Variants in WBP2NL observed in about 807,000 individuals in gnomAD.
WBP2NL encodes the protein WBP2 N-terminal like.
Under a neutral mutation model 23.3 loss-of-function variants are expected in WBP2NL, and 27 were observed. The ratio of observed to expected loss-of-function variants is 1.16; its 90% CI spans 0.85 to 1.60. The LOEUF (loss-of-function observed/expected upper bound fraction) is 1.60. Among genes scored for constraint, WBP2NL ranks in the 40% most tolerant of loss-of-function variants. The pLI, the probability that WBP2NL is intolerant of heterozygous loss-of-function variation, is 0.00. For missense variants in WBP2NL, 370 were observed against 389.5 expected, an observed-to-expected ratio of 0.95 and a Z score of 0.42; for synonymous variants, 151 against 145.9, an observed-to-expected ratio of 1.03 and a Z score of -0.25.
downstream of WBP2NL, chr22:42,032,725 A>C (rs143367905): frequency 6.4e-6 from 3 of 469,500 alleles, no homozygotes; most frequent in Non-Finnish European, 4.4e-6. Context: ...TGGGGCAGAC[A>C]ACCATGGACT....
intron 8 of WBP2NL, among the ~76,000 whole-genome samples, chr22:42,048,773 AAG>A (rs1219854662): frequency 3.3e-5 from 4 of 121,304 alleles, no homozygotes; most frequent in South Asian, 3.0e-4. Context: ...AAAAAAAGAA[AAG>A]AAAAAAAAGA....
At chr22:42,020,697 C>T (rs1310403924) in intron 4 of WBP2NL, among the ~76,000 whole-genome samples, 2 of 150,498 alleles carry the variant, frequency 1.3e-5, no homozygotes, top group African/African-American at 4.9e-5. Context: ...TTTAGTTTTT[C>T]TTCTCTCTGG....
At chr22:42,031,240 A>G (rs528407862), downstream of WBP2NL, 54 of 152,320 alleles carry the variant, frequency 3.5e-4, 1 homozygote, top group African/African-American at 1.1e-3. Context: ...GCTCAGTCCA[A>G]TTTGTTCTAT....
At chr22:42,020,659 C>G (rs1414412130) in intron 4 of WBP2NL, among the ~76,000 whole-genome samples, 3 of 150,052 alleles carry the variant, frequency 2.0e-5, no homozygotes, top group African/African-American at 7.5e-5. Flanking sequence ...TCAGGGAGCC[C>G]TTAGTTATTC....
chr22:42,044,031 G>T (rs1023323188), intron 8 of WBP2NL, among the ~76,000 whole-genome samples: 2 of 152,096 alleles, frequency 1.3e-5, no homozygotes, highest in Non-Finnish European at 2.9e-5. Context: ...CCGCCCTGCA[G>T]CTAGAGTTTT....
intron 1 of WBP2NL, among the ~76,000 whole-genome samples, chr22:42,010,569 C>T (rs765615610): frequency 1.3e-5 from 2 of 151,886 alleles, no homozygotes; most frequent in African/African-American, 4.8e-5. Context: ...GACGGAGTCT[C>T]GCTCTGTTGC....
In WBP2NL at chr22:42,049,689, CCAAAACAAAACAAAACA is replaced by C. The variant is rs1213515504; in HGVS notation, c.*274-8600_*274-8584del. Among the ~76,000 whole-genome samples the C allele has an allele frequency of 2.9e-3, 184 of 62,896 alleles. 1 individual carries two copies. Among genetic ancestry groups the C allele is most frequent in the African/African-American group, 0.014 (178 of 12,974 alleles). The allele number at this position is 62,896 out of a possible 152,430, so 41.3% of individuals were successfully genotyped here. A position where few individuals can be genotyped will look rare whatever the true frequency, so the allele number is the denominator to read the frequency against. ...TGGGTGACAGAGCGAGACTCCGTCT[CCAAAACAAAACAAAACA>C]AAAAAAAAAAAAAAAAAAAAAAAAA... is the stretch of plus-strand genomic sequence containing the variant. On this transcript the variant is annotated intron_variant and NMD_transcript_variant, in intron 8 of 8. Coordinates refer to the WBP2NL transcript ENST00000436265.
chr22:42,001,280 T>G (rs904479356), intron 1 of WBP2NL: 29 of 688,488 alleles, frequency 4.2e-5, no homozygotes, highest in Non-Finnish European at 7.5e-5. Context: ...GTTAAATGAA[T>G]AGGAAGTCAA....
At chr22:42,037,205 A>G (rs1925217289), downstream of WBP2NL, among the ~76,000 whole-genome samples, 1 of 151,332 alleles carries the variant, frequency 6.6e-6, no homozygotes, top group Non-Finnish European at 1.5e-5. Context: ...TGAACAGATT[A>G]TCCTTTCCCG....
intron 8 of WBP2NL, among the ~76,000 whole-genome samples, chr22:42,041,504 AG>A (rs1440321379): frequency 1.3e-5 from 2 of 148,438 alleles, no homozygotes; most frequent in Non-Finnish European, 3.0e-5. Context: ...AAAAAAAAAA[AG>A]TCTGTTTTGT....
chr22:42,032,765 C>T (rs988035157), downstream of WBP2NL: 6 of 470,214 alleles, frequency 1.3e-5, no homozygotes, highest in African/African-American at 1.2e-4. Flanking sequence ...TTGAAGCTTC[C>T]TAAATGGATT....
intron 1 of WBP2NL, 49 bp from the exon 2 acceptor site, chr22:42,019,262 T>C: frequency 1.3e-6 from 2 of 1,530,340 alleles, no homozygotes; most frequent in Non-Finnish European, 1.8e-6. Flanking sequence ...ATGTGTGTCA[T>C]TTTACATACA....
At chr22:42,034,051 G>A (rs1925089400), downstream of WBP2NL, among the ~76,000 whole-genome samples, 2 of 152,212 alleles carry the variant, frequency 1.3e-5, no homozygotes, top group Admixed American at 6.5e-5. Context: ...GCCAAGCCAA[G>A]CTGCCCTCAG....
chr22:42,031,432 C>T (rs1179106759), downstream of WBP2NL: 1 of 152,166 alleles, frequency 6.6e-6, no homozygotes, highest in African/African-American at 2.4e-5. Context: ...TGGTGGATTC[C>T]GCTCTTCCTG....
At chr22:42,036,560 G>C (rs1208791088), downstream of WBP2NL, among the ~76,000 whole-genome samples, 1 of 152,172 alleles carries the variant, frequency 6.6e-6, no homozygotes, top group Non-Finnish European at 1.5e-5. Flanking sequence ...CAGTGTACAA[G>C]GGTTCTCTTT....
At chr22:42,006,529 AGCCG>A (rs1369177355) in intron 1 of WBP2NL, among the ~76,000 whole-genome samples, 1 of 152,184 alleles carries the variant, frequency 6.6e-6, no homozygotes, top group Non-Finnish European at 1.5e-5. Flanking sequence ...CACCGCTCCC[AGCCG>A]GCTTTGTTTC....
chr22:42,049,705 CA>C (rs1158837575), intron 8 of WBP2NL, among the ~76,000 whole-genome samples: 1,333 of 37,372 alleles, frequency 0.036, 11 homozygotes, highest in Admixed American at 0.047. Flanking sequence ...CAAAACAAAA[CA>C]AAAAAAAAAA....
chr22:41,999,878 C>T (rs1921427327), intron 1 of WBP2NL, among the ~76,000 whole-genome samples: 1 of 152,198 alleles, frequency 6.6e-6, no homozygotes, highest in Non-Finnish European at 1.5e-5. Context: ...CTGCTGCTGG[C>T]CCCTGAGCTC....
At chr22:42,020,866 G>GTATATATA (rs1923845700) in intron 4 of WBP2NL, among the ~76,000 whole-genome samples, 1 of 15,598 alleles carries the variant, frequency 6.4e-5, no homozygotes, top group Non-Finnish European at 9.1e-5. Context: ...GTGTGTGTGT[G>GTATATATA]TGTATATATA....
Sources: gnomAD v4.1 joint callset for allele counts (sites outside exome capture counted in the v4.1 genomes callset) on GRCh38, gnomAD v4.1.1 for gene constraint, MANE v1.5 for transcripts, NCBI Gene and HGNC (gene_info 2026-07-23, HGNC 2026-07-21) for gene names.